HAAO: variants seen among roughly 807,000 people sequenced by gnomAD.
HAAO encodes the protein 3-hydroxyanthranilate oxygenase.
In HAAO, 49 loss-of-function variants were observed where a neutral mutation model predicts 46.2. That is an observed-to-expected ratio of 1.06 (90% CI 0.84 to 1.34). The LOEUF (loss-of-function observed/expected upper bound fraction) is 1.34, where lower values mean the gene tolerates loss of function less well. HAAO is among the 40% of genes most tolerant of loss of function. The pLI is 0.00. For missense variants in HAAO, 408 were observed against 364.5 expected (o/e 1.12, Z -0.97); for synonymous variants, 157 against 145.2 (o/e 1.08, Z -0.58).
In HAAO at chr2:42,783,852, C is replaced by T. The variant is rs1672197126; in HGVS notation, c.175G>A (p.Glu59Lys). The T allele has an allele frequency of 6.2e-7, 1 of 1,611,278 alleles. No individual in the cohort carries two copies. Among genetic ancestry groups the T allele is most frequent in the South Asian group, 1.1e-5 (1 of 90,324 alleles). Residue 59 changes from glutamate (E) to lysine (K), a missense_variant, in exon 3 of 10, where the codon GAG becomes AAG. Physicochemically the swap from Glu to Lys is moderately conservative, Grantham distance 56. Coordinates refer to ENST00000294973, the MANE Select transcript of HAAO (RefSeq NM_012205.3). ...EEGEEVFYQL[E>K]GDMVLRVLEQ... ...AGGACTCGGAGAACCATGTCTCCCT[C>T]CAGCTGGTAAAATACCTGTGGGACA...
chr2:42,788,553 G>A lies in HAAO; in HGVS notation c.135C>T (p.Asp45=). The change falls in exon 2 of 10, where the codon GAC becomes GAT. Residue 45 remains aspartate (D), a synonymous_variant. Coordinates refer to ENST00000294973, the MANE Select transcript of HAAO (RefSeq NM_012205.3). ...MFIGGPNTRK[D]YHIEEGEEVF... ...CCTCTTCACCCTCTTCGATGTGATA[G>A]TCCTTCCTGGTGTTGGGGCCTCCGA... The A allele has an allele frequency of 6.2e-7, 1 of 1,607,406 alleles. No individual in the cohort carries two copies.
intron 4 of HAAO, among the ~76,000 whole-genome samples, chr2:42,777,085 T>C (rs2104651406): frequency 6.6e-6 from 1 of 151,868 alleles, no homozygotes; most frequent in African/African-American, 2.4e-5. Context: ...GTTGATCACC[T>C]GAGATCAGGG....
intron 4 of HAAO, chr2:42,782,753 GTC>G (rs1672099113): frequency 3.3e-6 from 1 of 307,406 alleles, no homozygotes; most frequent in Non-Finnish European, 6.7e-6. Flanking sequence ...GTAACCATTT[GTC>G]TCTTATCTAC....
intron 4 of HAAO, among the ~76,000 whole-genome samples, chr2:42,775,920 G>T (rs1398195255): frequency 2.4e-5 from 3 of 123,488 alleles, no homozygotes; most frequent in African/African-American, 6.4e-5. Flanking sequence ...TCTTACTCTT[G>T]AGTTTTTAAG....
chr2:42,792,367 T>G, intron 1 of HAAO, 90 bp downstream of exon 1: 1 of 672,560 alleles, frequency 1.5e-6, no homozygotes. Flanking sequence ...AGCTTCTGGG[T>G]CCAGGAACTC....
intron 7 of HAAO, among the ~76,000 whole-genome samples, chr2:42,769,151 A>G (rs923467939): frequency 6.6e-6 from 1 of 152,176 alleles, no homozygotes; most frequent in African/African-American, 2.4e-5. Flanking sequence ...GATTGTGGCA[A>G]TTGTTGATTA....
At chr2:42,768,477 G>A (rs1670838476) in intron 7 of HAAO, among the ~76,000 whole-genome samples, 1 of 152,160 alleles carries the variant, frequency 6.6e-6, no homozygotes, top group Admixed American at 6.5e-5. Flanking sequence ...GCAGGGCTGA[G>A]TGGTACTGCT....
chr2:42,783,494 G>A (rs1047212863), intron 3 of HAAO, 74 bp from the exon 4 acceptor site: 1 of 970,312 alleles, frequency 1.0e-6, no homozygotes, highest in Admixed American at 2.0e-5. Flanking sequence ...CAACATCCTG[G>A]GCATCCCCAG....
chr2:42,773,001 A>T (rs1432714626), intron 4 of HAAO, among the ~76,000 whole-genome samples: 1 of 151,934 alleles, frequency 6.6e-6, no homozygotes, highest in Non-Finnish European at 1.5e-5. Context: ...TTCCCTGAGC[A>T]ATAGGTTGCT....
chr2:42,783,293 A>G, intron 4 of HAAO, 21 bp downstream of exon 4: 1 of 1,450,758 alleles, frequency 6.9e-7, no homozygotes, highest in African/African-American at 1.4e-5. Context: ...TCTCTGCCCC[A>G]GCCCTCCAGA....
Position 42,767,590 on chromosome 2 carries a change from C to G in HAAO, c.782+5G>C. 1 of 1,577,876 alleles carries G rather than the reference C, an allele frequency of 6.3e-7. No homozygotes were observed. The highest frequency in any genetic ancestry group is 8.6e-7 in the Non-Finnish European group (1 of 1,161,042). ...TCCCAGGGAAAGCCCTCCCTGCGTA[C>G]TCACGAGGTCCCAGCTAGCACCAGG... is the stretch of plus-strand genomic sequence containing the variant. On this transcript the variant is annotated splice_donor_5th_base_variant and intron_variant, in intron 9 of 9. Transcript: ENST00000294973.
chr2:42,788,085 C>T (rs1347403366), intron 2 of HAAO, among the ~76,000 whole-genome samples: 5 of 152,180 alleles, frequency 3.3e-5, no homozygotes, highest in Non-Finnish European at 7.4e-5. Context: ...GCCCCTCGAA[C>T]TCCCTCTGCC....
chr2:42,773,293 A>C lies in HAAO; in HGVS notation c.351-2711T>G, dbSNP rs150599646. On this transcript the variant is annotated intron_variant, in intron 4 of 9. Transcript: ENST00000294973. ...ATAAATACATGCAAAGACCTTAGCC[A>C]GGCATCTGGCACATAGCAAGTGCCA... 3.3e-3 allele frequency among the ~76,000 whole-genome samples: 507 copies of C among 152,336 alleles called. 5 individuals are homozygous for C. Among genetic ancestry groups the C allele is most frequent in the African/African-American group, 0.012 (488 of 41,576 alleles).
rs376184741 is a variant in HAAO at position 42,767,390 on chromosome 2, G to T, written c.*47C>A. 14 of 1,356,170 alleles carry T rather than the reference G, an allele frequency of 1.0e-5. No individual in the cohort carries two copies. Among genetic ancestry groups the T allele is most frequent in the Admixed American group, 3.5e-5 (2 of 57,600 alleles). The allele number at this position is 1,356,170 out of a possible 1,614,324, so 84.0% of individuals were successfully genotyped here. ...GAGTTGTTTGGCAGGGATGGCACTC[G>T]AGGGTGCTTGGCACACCTGTGGCTG... is the stretch of plus-strand genomic sequence containing the variant. On this transcript the variant is annotated 3_prime_UTR_variant, in exon 10 of 10. Transcript: ENST00000294973.
At chr2:42,777,865 C>T (rs1337197479) in intron 4 of HAAO, among the ~76,000 whole-genome samples, 5 of 151,712 alleles carry the variant, frequency 3.3e-5, no homozygotes, top group Non-Finnish European at 5.9e-5. Context: ...TAATTTAAGG[C>T]TTATTTAAAG....
chr2:42,775,062 C>T (rs947988744), intron 4 of HAAO, among the ~76,000 whole-genome samples: 5 of 152,042 alleles, frequency 3.3e-5, no homozygotes, highest in South Asian at 2.1e-4. Context: ...GCCTGACCAA[C>T]GTGGTGAAAC....
intron 4 of HAAO, among the ~76,000 whole-genome samples, chr2:42,776,701 T>C (rs1238193287): frequency 6.6e-6 from 1 of 151,238 alleles, no homozygotes; most frequent in Non-Finnish European, 1.5e-5. Flanking sequence ...GGCGTGATCT[T>C]GGCTCACTGC....
At chr2:42,776,887 C>A (rs559056514) in intron 4 of HAAO, among the ~76,000 whole-genome samples, 6 of 152,046 alleles carry the variant, frequency 3.9e-5, no homozygotes, top group South Asian at 2.1e-4. Context: ...CTACCTCAGC[C>A]TCCCAAAGTG....
At chr2:42,776,255 T>C (rs1161412080) in intron 4 of HAAO, among the ~76,000 whole-genome samples, 2 of 149,118 alleles carry the variant, frequency 1.3e-5, no homozygotes, top group Non-Finnish European at 3.0e-5. Context: ...TTTTTTTTTT[T>C]TGAGACAGAG....
Sources: gnomAD v4.1 joint callset for allele counts (sites outside exome capture counted in the v4.1 genomes callset) on GRCh38, gnomAD v4.1.1 for gene constraint, MANE v1.5 for transcripts, NCBI Gene and HGNC (gene_info 2026-07-23, HGNC 2026-07-21) for gene names.